Variants in MACROD2 observed in about 807,000 individuals in gnomAD.
The protein encoded by MACROD2 is mono-ADP ribosylhydrolase 2.
In MACROD2, 36 loss-of-function variants were observed where a neutral mutation model predicts 70.4. That is an observed-to-expected ratio of 0.51 (90% CI 0.39 to 0.68). The LOEUF (loss-of-function observed/expected upper bound fraction) is 0.68. Ranked by LOEUF, MACROD2 falls within the 30% of genes least tolerant of loss-of-function variation. The pLI is 0.00. For synonymous variants in MACROD2, 172 were observed against 178.8 expected (o/e 0.96, Z 0.30); for missense variants, 496 against 538.4 (o/e 0.92, Z 0.78).
rs571053843 is a variant in MACROD2 at position 15,765,356 on chromosome 20, T to C, written c.646-97389T>C. On this transcript the variant is annotated intron_variant, in intron 8 of 17. Transcript: ENST00000684519. ...ATAATTCTACTCCCATTCTTCTGGT[T>C]CTCCTTGCCTTATAAACAACAAACA... 4.9e-4 allele frequency among the ~76,000 whole-genome samples: 75 copies of C among 152,326 alleles called. 1 individual carries two copies. The highest frequency in any genetic ancestry group is 1.6e-3 in the African/African-American group (67 of 41,576).
At chr20:14,296,700 A>G (rs1321358596) in intron 3 of MACROD2, among the ~76,000 whole-genome samples, 1 of 152,024 alleles carries the variant, frequency 6.6e-6, no homozygotes, top group Non-Finnish European at 1.5e-5. Flanking sequence ...TTGGTCAAAG[A>G]TTGTAATTAC....
chr20:15,192,014 G>C (rs1057171383), intron 5 of MACROD2, among the ~76,000 whole-genome samples: 4 of 146,386 alleles, frequency 2.7e-5, no homozygotes, highest in African/African-American at 5.1e-5. Context: ...TATTAACTAT[G>C]TATCTATCTA....
At chr20:14,509,121 T>C (rs1195575009) in intron 4 of MACROD2, among the ~76,000 whole-genome samples, 1 of 152,118 alleles carries the variant, frequency 6.6e-6, no homozygotes, top group African/African-American at 2.4e-5. Flanking sequence ...TGTAACAAAC[T>C]ATACAAATCA....
chr20:14,649,832 T>A (rs1242141586), intron 4 of MACROD2, among the ~76,000 whole-genome samples: 2 of 152,118 alleles, frequency 1.3e-5, no homozygotes, highest in Non-Finnish European at 2.9e-5. Flanking sequence ...CTACATCTAA[T>A]AAACACCCAG....
At chr20:15,037,164 T>C (rs904603031) in intron 5 of MACROD2, among the ~76,000 whole-genome samples, 1 of 152,158 alleles carries the variant, frequency 6.6e-6, no homozygotes, top group Non-Finnish European at 1.5e-5. Flanking sequence ...GTTTGCCCTC[T>C]GAAGCTTTGT....
intron 12 of MACROD2, among the ~76,000 whole-genome samples, chr20:15,961,125 T>C (rs768470091): frequency 6.6e-6 from 1 of 152,148 alleles, no homozygotes; most frequent in Non-Finnish European, 1.5e-5. Context: ...CAGCCACCCA[T>C]ATTTTAAAAT....
chr20:14,142,557 G>C (rs1243842390), intron 3 of MACROD2, among the ~76,000 whole-genome samples: 1 of 152,148 alleles, frequency 6.6e-6, no homozygotes, highest in African/African-American at 2.4e-5. Flanking sequence ...ATGTTGTCAA[G>C]CATTATGAAG....
In MACROD2 at chr20:16,049,884, C is replaced by T; in HGVS notation, c.*8C>T. The T allele has an allele frequency of 3.8e-6, 6 of 1,590,094 alleles. No homozygotes were observed. The highest frequency in any genetic ancestry group is 4.3e-6 in the Non-Finnish European group (5 of 1,166,550). ...AGAAATGGAACTAAATGACAATCCT[C>T]AGCATCGCAAGGCCTCTCCTGGCTC... On this transcript the variant is annotated 3_prime_UTR_variant, in exon 18 of 18. Transcript: ENST00000684519.
intron 4 of MACROD2, among the ~76,000 whole-genome samples, chr20:14,553,323 G>A (rs139227613): frequency 9.3e-4 from 141 of 150,924 alleles, no homozygotes; most frequent in Middle Eastern, 3.5e-3. Context: ...GCCAATACAT[G>A]CATGGAACTG....
intron 7 of MACROD2, among the ~76,000 whole-genome samples, chr20:15,465,213 G>A (rs1355964077): frequency 1.3e-5 from 2 of 152,108 alleles, no homozygotes. Flanking sequence ...GAAGAATGAG[G>A]CCTACTTTCA....
At chr20:14,784,445 G>A (rs543567393) in intron 5 of MACROD2, among the ~76,000 whole-genome samples, 44 of 152,050 alleles carry the variant, frequency 2.9e-4, no homozygotes, top group African/African-American at 1.0e-3. Flanking sequence ...CTTCATTTTA[G>A]CTTCATTTTA....
At chr20:15,287,106 G>A (rs568401636) in intron 6 of MACROD2, among the ~76,000 whole-genome samples, 2 of 152,218 alleles carry the variant, frequency 1.3e-5, no homozygotes, top group African/African-American at 4.8e-5. Context: ...TGTCAAGGGA[G>A]GGTTATTTTC....
chr20:15,125,188 G>A (rs1233832595), intron 5 of MACROD2, among the ~76,000 whole-genome samples: 1 of 151,826 alleles, frequency 6.6e-6, no homozygotes, highest in Non-Finnish European at 1.5e-5. Flanking sequence ...AGTTCTCATC[G>A]ACTGCATGGC....
At chr20:15,226,838 C>T (rs1424990535) in intron 5 of MACROD2, among the ~76,000 whole-genome samples, 2 of 151,900 alleles carry the variant, frequency 1.3e-5, no homozygotes, top group Admixed American at 1.3e-4. Flanking sequence ...AAAAGGCAAG[C>T]ACCACTGAAA....
chr20:14,830,405 G>A (rs920246932), intron 5 of MACROD2, among the ~76,000 whole-genome samples: 2 of 151,988 alleles, frequency 1.3e-5, no homozygotes, highest in Non-Finnish European at 2.9e-5. Flanking sequence ...TTTATAAATT[G>A]AGATTTAAAA....
chr20:14,571,157 G>A (rs1024176956), intron 4 of MACROD2, among the ~76,000 whole-genome samples: 1 of 152,058 alleles, frequency 6.6e-6, no homozygotes, highest in Non-Finnish European at 1.5e-5. Flanking sequence ...CCTTGAGAAA[G>A]TCAGGCCTGG....
chr20:14,868,379 G>C (rs906825263), intron 5 of MACROD2, among the ~76,000 whole-genome samples: 1 of 151,744 alleles, frequency 6.6e-6, no homozygotes, highest in Admixed American at 6.6e-5. Flanking sequence ...TGTGGAGACA[G>C]AATCTCAAAC....
chr20:15,737,162 A>G (rs1009401925), intron 8 of MACROD2, among the ~76,000 whole-genome samples: 4 of 152,172 alleles, frequency 2.6e-5, no homozygotes, highest in African/African-American at 9.6e-5. Flanking sequence ...AACTGGGAAA[A>G]TGAGGAAGGT....
At chr20:15,919,468 G>T (rs1601132459) in intron 10 of MACROD2, among the ~76,000 whole-genome samples, 1 of 152,186 alleles carries the variant, frequency 6.6e-6, no homozygotes, top group Non-Finnish European at 1.5e-5. Context: ...CAGGCACGGT[G>T]GCTCATGCCT....
Sources: gnomAD v4.1 joint callset for allele counts (sites outside exome capture counted in the v4.1 genomes callset) on GRCh38, gnomAD v4.1.1 for gene constraint, MANE v1.5 for transcripts, NCBI Gene and HGNC (gene_info 2026-07-23, HGNC 2026-07-21) for gene names.